Variants in BDH1 observed in about 807,000 individuals in gnomAD.
The protein encoded by BDH1 is 3-hydroxybutyrate dehydrogenase 1.
Under a neutral mutation model 33.1 loss-of-function variants are expected in BDH1, and 30 were observed. The observed-to-expected ratio is 0.91, with a 90% CI of 0.68 to 1.23. BDH1 has a LOEUF of 1.23. Ranked by LOEUF, BDH1 falls within the 50% of genes most tolerant of loss-of-function variation. BDH1 has a pLI of 0.00. For synonymous variants in BDH1, 190 were observed against 183.6 expected (o/e 1.03, Z -0.28); for missense variants, 443 against 464.4 (o/e 0.95, Z 0.42).
At position 197,522,082 on chromosome 3, in the gene BDH1, C is replaced by G. The variant is rs1413122351; in HGVS notation, c.409+558G>C. ...TAATCCCACCACTTGACCAACAGCC[C>G]CCGCTACCCTCCCCGTGCTCCTCGA... On this transcript the variant is annotated intron_variant, in intron 6 of 7. Transcript: ENST00000392379. The surrounding 1 kb of genome is among the most constrained non-coding windows in gnomAD (Gnocchi z 4.8). Among the ~76,000 whole-genome samples the G allele has an allele frequency of 6.6e-6, 1 of 152,184 alleles. No individual in the cohort carries two copies. Among genetic ancestry groups the G allele is most frequent in the Non-Finnish European group, 1.5e-5 (1 of 68,032 alleles).
rs541394957 is a variant in BDH1 at position 197,534,692 on chromosome 3, G to A, written c.84-1131C>T. On this transcript the variant is annotated intron_variant, in intron 3 of 7. Transcript: ENST00000392379. Reference sequence around the variant, plus strand: ...GTGGCTATAGTACGCTACAGCCCCAGTGGCAGTGTCTGAACAACCCAGTTT... The same window carrying A: ...GTGGCTATAGTACGCTACAGCCCCAATGGCAGTGTCTGAACAACCCAGTTT... Among the ~76,000 whole-genome samples, 18 of 152,298 alleles carry A rather than the reference G, an allele frequency of 1.2e-4. 1 individual carries two copies. The South Asian group carries it at 3.3e-3, about 28-fold the overall frequency.
intron 3 of BDH1, among the ~76,000 whole-genome samples, chr3:197,534,891 ACAAAATAT>A (rs752403441): frequency 1.1e-4 from 17 of 152,230 alleles, no homozygotes; most frequent in Non-Finnish European, 2.5e-4. Flanking sequence ...GGCTGCTATA[ACAAAATAT>A]CATAGACCGG....
At chr3:197,519,107 C>A (rs917418204) in intron 6 of BDH1, among the ~76,000 whole-genome samples, 2 of 151,152 alleles carry the variant, frequency 1.3e-5, no homozygotes, top group East Asian at 3.9e-4. Context: ...TGGATCCCCC[C>A]ATCAGTCACT....
rs766839210 is a variant in BDH1 at position 197,512,353 on chromosome 3, T to C, written c.574A>G (p.Asn192Asp). 4 of 1,605,242 alleles carry C rather than the reference T, an allele frequency of 2.5e-6. No homozygotes were observed. The East Asian group carries it at 8.9e-5, about 36-fold the overall frequency. The change falls in exon 8 of 8, where the codon AAT becomes GAT. Residue 192 changes from asparagine to aspartate, a missense_variant. By Grantham distance (23) the Asn-to-Asp change is conservative (BLOSUM62 1). Transcript: ENST00000392379. ...ATGCGGCCCAGCATGCTGCTGATAT[T>C]GACGACGCGGCCTACAGAGGGAGAC... The part of the protein sequence containing the change: ...LIRRAKGRVV[N>D]ISSMLGRMAN...
In BDH1 at chr3:197,526,271, G is replaced by A. The variant is rs1426195235; in HGVS notation, c.268-3490C>T. ...TCCCCTGCCCAGCCCTGAGGGCTGT[G>A]GGAAGTAGGTGCTGGTGGAGGTTGT... is the stretch of plus-strand genomic sequence containing the variant. On this transcript the variant is annotated intron_variant, in intron 5 of 7. Transcript: ENST00000392379. This position sits in a 1 kb window ranked among gnomAD's most constrained non-coding sequence, Gnocchi z 4.7. 6.6e-6 allele frequency among the ~76,000 whole-genome samples: 1 copy of A among 152,218 alleles called. No individual in the cohort carries two copies. The highest frequency in any genetic ancestry group is 2.4e-5 in the African/African-American group (1 of 41,452).
chr3:197,558,988 G>A (rs181220648), upstream of BDH1, among the ~76,000 whole-genome samples: 444 of 151,340 alleles, frequency 2.9e-3, 2 homozygotes, highest in African/African-American at 0.01. Context: ...TCCATCCTAA[G>A]TGGGCAATTG....
intron 3 of BDH1, among the ~76,000 whole-genome samples, chr3:197,534,394 T>C (rs1470361089): frequency 6.6e-6 from 1 of 152,258 alleles, no homozygotes; most frequent in African/African-American, 2.4e-5. Flanking sequence ...TCCAGATTGT[T>C]ATGTATCAAT....
At chr3:197,539,157 T>C (rs749647815) in intron 3 of BDH1, among the ~76,000 whole-genome samples, 2 of 152,180 alleles carry the variant, frequency 1.3e-5, no homozygotes, top group Non-Finnish European at 2.9e-5. Context: ...AGATGAGTTA[T>C]ATTTTTTTGA....
At chr3:197,551,819 C>T (rs1716594253) in intron 2 of BDH1, among the ~76,000 whole-genome samples, 1 of 152,128 alleles carries the variant, frequency 6.6e-6, no homozygotes, top group Non-Finnish European at 1.5e-5. Flanking sequence ...TTCCCCAAGA[C>T]AAAGTGTTAC....
intron 1 of BDH1, among the ~76,000 whole-genome samples, chr3:197,569,711 TTGCCTTC>T (rs1717546829): frequency 6.6e-6 from 1 of 152,232 alleles, no homozygotes; most frequent in African/African-American, 2.4e-5. Flanking sequence ...GACGTGCCTT[TTGCCTTC>T]TGCCATGATT....
intron 2 of BDH1, among the ~76,000 whole-genome samples, chr3:197,547,609 T>C (rs1716191322): frequency 6.6e-6 from 1 of 152,256 alleles, no homozygotes; most frequent in Non-Finnish European, 1.5e-5. Context: ...CTCCTGCCCC[T>C]ATTTGCCACA....
intron 7 of BDH1, among the ~76,000 whole-genome samples, chr3:197,513,934 C>A (rs1468847589): frequency 6.6e-6 from 1 of 152,168 alleles, no homozygotes; most frequent in Non-Finnish European, 1.5e-5. Flanking sequence ...ACTAACCACA[C>A]CTGACTGATA....
chr3:197,517,031 G>A (rs1305522924), intron 6 of BDH1, among the ~76,000 whole-genome samples: 3 of 152,054 alleles, frequency 2.0e-5, no homozygotes, highest in African/African-American at 4.8e-5. Flanking sequence ...AAGTCCCCAC[G>A]CCCCAGGCTG....
chr3:197,510,684 G>GTGTGTGTGTGTGTGTGTGT lies in BDH1; in HGVS notation c.*1210_*1211insACACACACACACACACACA, dbSNP rs1560296905. On this transcript the variant is annotated 3_prime_UTR_variant, in exon 8 of 8. Transcript: ENST00000392379. ...TGTGTGTGTGTGTACATGTGTGTAA[G>GTGTGTGTGTGTGTGTGTGT]GTGTGTGTGTGTGTGTGTGTGTGTG... 2.7e-4 allele frequency: 16 copies of GTGTGTGTGTGTGTGTGTGT among 58,710 alleles called. No individual in the cohort carries two copies. The highest frequency in any genetic ancestry group is 4.6e-4 in the African/African-American group (6 of 13,014). The allele number at this position is 58,710 out of a possible 1,614,324, so 3.6% of individuals were successfully genotyped here. A position where few individuals can be genotyped will look rare whatever the true frequency, so the allele number is the denominator to read the frequency against.
intron 4 of BDH1, 29 bp downstream of exon 4, chr3:197,533,460 G>T (rs765568264): frequency 1.1e-5 from 18 of 1,610,164 alleles, no homozygotes; most frequent in Non-Finnish European, 1.4e-5. Context: ...CCATCCAACT[G>T]GCTCCCGGGT....
chr3:197,540,885 C>T (rs1047356626), intron 3 of BDH1, among the ~76,000 whole-genome samples: 2 of 152,144 alleles, frequency 1.3e-5, no homozygotes, highest in East Asian at 1.9e-4. Context: ...GGTTCTATCT[C>T]GACTCACCTG....
At chr3:197,557,657 C>T (rs1212699752), upstream of BDH1, among the ~76,000 whole-genome samples, 2 of 152,192 alleles carry the variant, frequency 1.3e-5, no homozygotes, top group African/African-American at 4.8e-5. The surrounding 1 kb of genome is among the most constrained non-coding windows in gnomAD (Gnocchi z 4.6). Context: ...GCAGAGGTTG[C>T]AGTGAGCTGA....
At chr3:197,543,673 A>G (rs1383807987) in intron 3 of BDH1, among the ~76,000 whole-genome samples, 1 of 152,320 alleles carries the variant, frequency 6.6e-6, no homozygotes, top group East Asian at 1.9e-4. Flanking sequence ...TGGGCATGTC[A>G]AGAGTGGTGG....
intron 6 of BDH1, chr3:197,515,437 C>T: frequency 1.0e-6 from 1 of 985,790 alleles, no homozygotes; most frequent in Non-Finnish European, 1.2e-6. Flanking sequence ...TGCAGACGCG[C>T]CCTGAGTCTT....
Sources: gnomAD v4.1 joint callset for allele counts (sites outside exome capture counted in the v4.1 genomes callset) on GRCh38, gnomAD v4.1.1 for gene constraint, Gnocchi (gnomAD v3.1) non-coding constraint, MANE v1.5 for transcripts, NCBI Gene and HGNC (gene_info 2026-07-23, HGNC 2026-07-21) for gene names.